DOCK7: variants seen among roughly 807,000 people sequenced by gnomAD.
DOCK7 encodes dedicator of cytokinesis 7, also known as dedicator of cytokinesis protein 7.
In DOCK7, 138 loss-of-function variants were observed where a neutral mutation model predicts 271.0. That is an observed-to-expected ratio of 0.51 (90% CI 0.44 to 0.59). The LOEUF is 0.59. DOCK7 is among the 20% of genes least tolerant of loss of function. DOCK7 has a pLI of 0.00. For synonymous variants in DOCK7, 823 were observed against 876.1 expected, an observed-to-expected ratio of 0.94 and a Z score of 1.07; for missense variants, 2,066 against 2,592.4, an observed-to-expected ratio of 0.80 and a Z score of 4.41.
intron 1 of DOCK7, among the ~76,000 whole-genome samples, chr1:62,674,229 T>C (rs1019007221): frequency 1.3e-5 from 2 of 152,070 alleles, no homozygotes; most frequent in Non-Finnish European, 2.9e-5. Context: ...GAAATAAATT[T>C]AACAAAAGAG....
intron 44 of DOCK7, 114 bp downstream of exon 44, chr1:62,477,586 T>G: frequency 9.1e-7 from 1 of 1,100,160 alleles, no homozygotes; most frequent in Non-Finnish European, 1.3e-6. Flanking sequence ...TCTAACGGAG[T>G]AGTTTACTTG....
rs191179837 is a variant in DOCK7 at position 62,646,559 on chromosome 1, T to C, written c.818+1132A>G. Among the ~76,000 whole-genome samples, 316 of 152,262 alleles carry C rather than the reference T, an allele frequency of 2.1e-3. 2 individuals carry two copies. The highest frequency in any genetic ancestry group is 7.2e-3 in the African/African-American group (301 of 41,552). On this transcript the variant is annotated intron_variant, in intron 7 of 49. Coordinates refer to ENST00000635253, the MANE Select transcript of DOCK7 (RefSeq NM_001367561.1). ...GAGGAAGAGATACCAGAGACCTCTC[T>C]CTCTCTGTGCACACACAGAAGAAAA...
At chr1:62,508,787 TTTAC>T (rs35836805) in intron 34 of DOCK7, among the ~76,000 whole-genome samples, 51,536 of 151,786 alleles carry the variant, frequency 0.34, 8,918 homozygotes, top group South Asian at 0.42. Context: ...AATAAAGTGG[TTTAC>T]TTAAATACTA....
At chr1:62,641,297 C>T in intron 7 of DOCK7, 1 of 419,396 alleles carries the variant, frequency 2.4e-6, no homozygotes, top group South Asian at 1.7e-5. Context: ...CCAGCCAACA[C>T]CATGAGCCAG....
chr1:62,455,373 T>A lies in DOCK7; in HGVS notation c.*41A>T, dbSNP rs1214126458. 6.2e-7 allele frequency: 1 copy of A among 1,602,290 alleles called. No homozygotes were observed. Among genetic ancestry groups the A allele is most frequent in the Admixed American group, 1.7e-5 (1 of 59,966 alleles). ...AGATCTTTTCACACTCGATGTTGAA[T>A]ACATGGCTCTTTGCAGATGAATAAA... On this transcript the variant is annotated 3_prime_UTR_variant, in exon 50 of 50. Coordinates refer to ENST00000635253, the MANE Select transcript of DOCK7 (RefSeq NM_001367561.1).
chr1:62,511,377 A>C (rs1644478990), intron 33 of DOCK7: 1 of 152,214 alleles, frequency 6.6e-6, no homozygotes, highest in African/African-American at 2.4e-5. Flanking sequence ...TTAGGAGTGG[A>C]GACAGCATTG....
At chr1:62,571,909 G>T (rs927293905) in intron 18 of DOCK7, among the ~76,000 whole-genome samples, 8 of 152,152 alleles carry the variant, frequency 5.3e-5, no homozygotes, top group African/African-American at 1.9e-4. Flanking sequence ...TCGTTGGGGG[G>T]AGTGTGGGGA....
chr1:62,594,691 T>A (rs963601529), intron 14 of DOCK7, among the ~76,000 whole-genome samples: 4 of 152,258 alleles, frequency 2.6e-5, no homozygotes, highest in South Asian at 4.1e-4. Flanking sequence ...GTTGATTTTA[T>A]CATTCTCTTA....
At chr1:62,619,541 A>G (rs958602599) in intron 13 of DOCK7, among the ~76,000 whole-genome samples, 8 of 152,330 alleles carry the variant, frequency 5.3e-5, no homozygotes, top group Admixed American at 1.3e-4. Context: ...AATAAAACAG[A>G]GCAATTATAA....
chr1:62,636,916 G>GT (rs1218243013), intron 7 of DOCK7, among the ~76,000 whole-genome samples: 1 of 152,040 alleles, frequency 6.6e-6, no homozygotes, highest in African/African-American at 2.4e-5. Flanking sequence ...ACTTATATAT[G>GT]TAGATATGTT....
chr1:62,627,532 T>C (rs925820505), intron 11 of DOCK7: 5 of 151,906 alleles, frequency 3.3e-5, no homozygotes, highest in Admixed American at 6.6e-5. Context: ...AGTAAACAAA[T>C]TCAAAAAGGG....
chr1:62,578,340 C>T (rs1041885489), intron 17 of DOCK7, among the ~76,000 whole-genome samples: 1 of 152,148 alleles, frequency 6.6e-6, no homozygotes, highest in Admixed American at 6.5e-5. Context: ...TAGTTAATTA[C>T]ATTAATGGGC....
At chr1:62,539,719 AAGAG>A (rs774902654) in intron 26 of DOCK7, 29 bp downstream of exon 26, 6 of 1,611,490 alleles carry the variant, frequency 3.7e-6, no homozygotes, top group Non-Finnish European at 5.1e-6. Context: ...CTGAGCTTGA[AAGAG>A]AGATAAGTGG....
intron 37 of DOCK7, among the ~76,000 whole-genome samples, chr1:62,498,674 G>T: frequency 6.7e-6 from 1 of 149,446 alleles, no homozygotes; most frequent in African/African-American, 2.5e-5. Context: ...TTTTATCTAT[G>T]TCTGCCCAAT....
Position 62,532,848 on chromosome 1 carries a change from C to G in DOCK7, c.3611+2645G>C, listed in dbSNP as rs140196343. ...AGAAACAGAAAGTAGGCCAGCATGG[C>G]TAGATCTTAGTATATGAGGAGGAAG... On this transcript the variant is annotated intron_variant, in intron 29 of 49. Transcript: ENST00000635253. Among the ~76,000 whole-genome samples the G allele has an allele frequency of 4.6e-5, 7 of 152,226 alleles. No individual in the cohort carries two copies. In the East Asian group the frequency reaches 1.2e-3, roughly 25 times the overall value.
intron 14 of DOCK7, chr1:62,601,093 T>G (rs779240513): frequency 1.9e-6 from 3 of 1,588,092 alleles, no homozygotes; most frequent in Non-Finnish European, 2.6e-6. Context: ...TCAGAAGGAC[T>G]AGTATTCAAG....
chr1:62,610,831 A>G (rs1463557919), intron 14 of DOCK7, among the ~76,000 whole-genome samples: 1 of 152,148 alleles, frequency 6.6e-6, no homozygotes, highest in African/African-American at 2.4e-5. Flanking sequence ...CATGGTGTAT[A>G]TGTGCCACAT....
At chr1:62,553,623 C>T (rs1349125104) in intron 21 of DOCK7, among the ~76,000 whole-genome samples, 1 of 150,946 alleles carries the variant, frequency 6.6e-6, no homozygotes, top group East Asian at 1.9e-4. Flanking sequence ...ATCCTCCTCT[C>T]TTGGCCTCCT....
At chr1:62,546,309 C>T (rs553949004) in intron 22 of DOCK7, among the ~76,000 whole-genome samples, 5 of 152,088 alleles carry the variant, frequency 3.3e-5, no homozygotes, top group East Asian at 1.9e-4. Context: ...AAAGAAAAAC[C>T]GCAACCCTCA....
Sources: allele counts gnomAD v4.1 joint callset (sites outside exome capture counted in the v4.1 genomes callset), GRCh38; gene constraint gnomAD v4.1.1; transcripts MANE v1.5; gene names NCBI Gene and HGNC (gene_info 2026-07-23, HGNC 2026-07-21).